The following KCNIP4 variants were observed in gnomAD, a reference collection of about 807,000 sequenced individuals.
The protein encoded by KCNIP4 is Kv channel-interacting protein 4.
KCNIP4 carries 12 observed loss-of-function variants against 34.0 expected under a neutral mutation model. That is an observed-to-expected ratio of 0.35 (90% CI 0.23 to 0.57). The LOEUF (loss-of-function observed/expected upper bound fraction) is 0.57. Among genes scored for constraint, KCNIP4 ranks in the 20% least tolerant of loss-of-function variants. The pLI, the probability that KCNIP4 is intolerant of heterozygous loss-of-function variation, is 0.83. For missense variants in KCNIP4, 238 were observed against 311.7 expected, an observed-to-expected ratio of 0.76 and a Z score of 1.78; for synonymous variants, 124 against 102.2, an observed-to-expected ratio of 1.21 and a Z score of -1.29.
At chr4:20,813,255 A>C (rs1715991892) in intron 3 of KCNIP4, among the ~76,000 whole-genome samples, 2 of 152,220 alleles carry the variant, frequency 1.3e-5, no homozygotes, top group African/African-American at 2.4e-5. Flanking sequence ...GGATGTGGAC[A>C]GAATGACTTT....
chr4:21,578,302 C>T (rs1190707586), intron 1 of KCNIP4, among the ~76,000 whole-genome samples: 1 of 121,686 alleles, frequency 8.2e-6, no homozygotes, highest in Non-Finnish European at 1.6e-5. Flanking sequence ...CACTGCACTC[C>T]AACCTGGGTG....
At chr4:21,946,041 A>T (rs960534358) in intron 1 of KCNIP4, among the ~76,000 whole-genome samples, 1 of 148,282 alleles carries the variant, frequency 6.7e-6, no homozygotes, top group African/African-American at 2.5e-5. Flanking sequence ...TTGAGAAGAG[A>T]GTACGGAACG....
intron 1 of KCNIP4, among the ~76,000 whole-genome samples, chr4:21,308,083 C>T (rs772546233): frequency 1.3e-5 from 2 of 152,134 alleles, no homozygotes; most frequent in African/African-American, 4.8e-5. Flanking sequence ...CAAGTCGCAG[C>T]GTGGATTCAA....
At chr4:21,112,543 T>C (rs556175693) in intron 1 of KCNIP4, among the ~76,000 whole-genome samples, 2 of 152,236 alleles carry the variant, frequency 1.3e-5, no homozygotes, top group African/African-American at 2.4e-5. Flanking sequence ...TAACGAGAAA[T>C]AGATTTTGTG....
chr4:21,086,279 T>G (rs1398038861), intron 1 of KCNIP4, among the ~76,000 whole-genome samples: 1 of 152,206 alleles, frequency 6.6e-6, no homozygotes, highest in Admixed American at 6.5e-5. Context: ...CCATGCTGTT[T>G]ACTTTCACTG....
intron 1 of KCNIP4, among the ~76,000 whole-genome samples, chr4:20,917,507 A>C (rs542689426): frequency 1.6e-4 from 24 of 152,312 alleles, no homozygotes. Flanking sequence ...CAGGAAGCTT[A>C]TGGCCTAGCA....
intron 1 of KCNIP4, among the ~76,000 whole-genome samples, chr4:21,341,350 T>A (rs529729888): frequency 1.4e-3 from 209 of 152,254 alleles, no homozygotes; most frequent in African/African-American, 4.8e-3. Flanking sequence ...CAACTCTAAT[T>A]CTGTTTGCTT....
chr4:21,617,500 T>C (rs1744687842), intron 1 of KCNIP4, among the ~76,000 whole-genome samples: 1 of 152,192 alleles, frequency 6.6e-6, no homozygotes, highest in South Asian at 2.1e-4. Context: ...CTAAACCACA[T>C]GCTACCATGA....
At chr4:21,315,545 C>G (rs933921510) in intron 1 of KCNIP4, among the ~76,000 whole-genome samples, 12 of 152,100 alleles carry the variant, frequency 7.9e-5, no homozygotes, top group Admixed American at 4.6e-4. Context: ...TGTGGGGGGG[C>G]CAGTGCCCTT....
intron 1 of KCNIP4, among the ~76,000 whole-genome samples, chr4:21,376,173 G>A (rs1163731276): frequency 3.3e-5 from 5 of 151,968 alleles, no homozygotes; most frequent in Non-Finnish European, 5.9e-5. Flanking sequence ...AAACCTCTGT[G>A]GCAGATAAAA....
intron 1 of KCNIP4, among the ~76,000 whole-genome samples, chr4:20,945,078 C>T (rs1276046131): frequency 6.6e-6 from 1 of 152,142 alleles, no homozygotes; most frequent in Non-Finnish European, 1.5e-5. Flanking sequence ...ATCAAAAGTC[C>T]ATTTGGTTCC....
chr4:21,156,910 G>A (rs1577802914), intron 1 of KCNIP4, among the ~76,000 whole-genome samples: 1 of 152,000 alleles, frequency 6.6e-6, no homozygotes, highest in East Asian at 1.9e-4. Flanking sequence ...ATTAAAAATG[G>A]CATTTGCTTT....
intron 1 of KCNIP4, among the ~76,000 whole-genome samples, chr4:21,501,001 ACT>A (rs1733280624): frequency 1.3e-5 from 2 of 152,068 alleles, no homozygotes; most frequent in African/African-American, 4.8e-5. Context: ...CTTTTAAGAC[ACT>A]TTTTTGGGAA....
At chr4:20,755,856 G>A (rs1440637362) in intron 4 of KCNIP4, among the ~76,000 whole-genome samples, 1 of 152,162 alleles carries the variant, frequency 6.6e-6, no homozygotes, top group African/African-American at 2.4e-5. Context: ...TGTGCTGGTG[G>A]GATGGCAAGG....
At chr4:21,766,512 C>T (rs550331581) in intron 1 of KCNIP4, among the ~76,000 whole-genome samples, 2 of 152,220 alleles carry the variant, frequency 1.3e-5, no homozygotes, top group East Asian at 3.9e-4. Context: ...CTTCCCTCTG[C>T]TGCTATCACT....
chr4:20,917,304 A>C (rs1473366558), intron 1 of KCNIP4, among the ~76,000 whole-genome samples: 1 of 151,922 alleles, frequency 6.6e-6, no homozygotes, highest in Non-Finnish European at 1.5e-5. Flanking sequence ...CTGGGATTAC[A>C]GGCATGAACC....
At chr4:21,719,465 G>GT (rs1425443725) in intron 1 of KCNIP4, among the ~76,000 whole-genome samples, 1 of 152,114 alleles carries the variant, frequency 6.6e-6, no homozygotes, top group Non-Finnish European at 1.5e-5. Context: ...TGAATATATG[G>GT]TACTTCATCA....
At chr4:21,529,682 G>T (rs1430679798) in intron 1 of KCNIP4, among the ~76,000 whole-genome samples, 1 of 152,102 alleles carries the variant, frequency 6.6e-6, no homozygotes, top group East Asian at 1.9e-4. Context: ...AGCAGAAAGA[G>T]ATGGGAAGAG....
chr4:21,710,878 C>A (rs1713670418), intron 1 of KCNIP4, among the ~76,000 whole-genome samples: 1 of 152,146 alleles, frequency 6.6e-6, no homozygotes, highest in South Asian at 2.1e-4. Flanking sequence ...TTCACCCTTA[C>A]CCCTATTGAT....
Sources: allele counts gnomAD v4.1 joint callset (sites outside exome capture counted in the v4.1 genomes callset), GRCh38; gene constraint gnomAD v4.1.1; transcripts MANE v1.5; gene names NCBI Gene and HGNC (gene_info 2026-07-23, HGNC 2026-07-21).